TMPRSS15: variants seen among roughly 807,000 people sequenced by gnomAD.
The protein encoded by TMPRSS15 is transmembrane serine protease 15, also known as enteropeptidase.
In TMPRSS15, 128 loss-of-function variants were observed where a neutral mutation model predicts 125.3. The ratio of observed to expected loss-of-function variants is 1.02; its 90% CI spans 0.89 to 1.18. The LOEUF is 1.18. Ranked by LOEUF, TMPRSS15 falls within the 50% of genes most tolerant of loss-of-function variation. TMPRSS15 has a pLI of 0.00. For synonymous variants in TMPRSS15, 446 were observed against 423.2 expected (o/e 1.05, Z -0.66); for missense variants, 1,283 against 1,212.7 (o/e 1.06, Z -0.86).
At chr21:18,277,717 T>C (rs1326678510) in intron 23 of TMPRSS15, among the ~76,000 whole-genome samples, 1 of 152,194 alleles carries the variant, frequency 6.6e-6, no homozygotes, top group Non-Finnish European at 1.5e-5. Context: ...CCCTCTACCT[T>C]TCCACAAGAT....
intron 5 of TMPRSS15, among the ~76,000 whole-genome samples, chr21:18,374,874 C>T (rs994282665): frequency 6.6e-6 from 1 of 152,070 alleles, no homozygotes; most frequent in African/African-American, 2.4e-5. Context: ...TCAGTGACTA[C>T]GTTTGCTTCT....
chr21:18,277,288 A>G (rs2074633952), intron 23 of TMPRSS15, among the ~76,000 whole-genome samples: 1 of 152,142 alleles, frequency 6.6e-6, no homozygotes, highest in Non-Finnish European at 1.5e-5. Flanking sequence ...AAGTAAACGT[A>G]AGTCACATTT....
Position 18,278,458 on chromosome 21 carries a change from G to A in TMPRSS15, c.2764+506C>T, listed in dbSNP as rs553410333. Among the ~76,000 whole-genome samples, 13 of 152,144 alleles carry A rather than the reference G, an allele frequency of 8.5e-5. No individual in the cohort carries two copies. The South Asian group carries it at 2.1e-3, about 24-fold the overall frequency. On this transcript the variant is annotated intron_variant, in intron 23 of 24. Transcript: ENST00000284885. ...ATATAGGCTGGGCGCGGTGGCTCACGACTATAATCCCAGCACTTTGGGAGG... is the reference window on the plus strand; with the variant it reads ...ATATAGGCTGGGCGCGGTGGCTCACAACTATAATCCCAGCACTTTGGGAGG...
At chr21:18,458,834 A>T (rs762312790) in intron 1 of TMPRSS15, among the ~76,000 whole-genome samples, 7 of 152,212 alleles carry the variant, frequency 4.6e-5, no homozygotes, top group Non-Finnish European at 7.3e-5. Flanking sequence ...AAATACCATG[A>T]GCAACTATTT....
chr21:18,383,108 T>C (rs999038511), intron 4 of TMPRSS15, among the ~76,000 whole-genome samples: 1 of 152,018 alleles, frequency 6.6e-6, no homozygotes, highest in African/African-American at 2.4e-5. Context: ...CTAGAGAGAG[T>C]TCCTGAAGTC....
At chr21:18,391,255 C>A (rs2123093022) in intron 3 of TMPRSS15, among the ~76,000 whole-genome samples, 1 of 152,310 alleles carries the variant, frequency 6.6e-6, no homozygotes, top group Middle Eastern at 3.4e-3. Context: ...ATTCAAAAGT[C>A]CAAAGTCCAA....
chr21:18,330,761 T>C (rs544483674), intron 14 of TMPRSS15, among the ~76,000 whole-genome samples: 4 of 152,188 alleles, frequency 2.6e-5, no homozygotes, highest in Non-Finnish European at 5.9e-5. Flanking sequence ...ATTATCACTT[T>C]GTTCAAATGA....
intron 16 of TMPRSS15, 79 bp from the exon 17 acceptor site, chr21:18,315,335 C>G: frequency 8.2e-7 from 1 of 1,224,110 alleles, no homozygotes; most frequent in Non-Finnish European, 1.2e-6. Flanking sequence ...CCATTTGCTC[C>G]CCTTTAAACA....
intron 24 of TMPRSS15, among the ~76,000 whole-genome samples, chr21:18,274,712 G>C (rs2074599204): frequency 1.3e-5 from 2 of 152,138 alleles, no homozygotes; most frequent in Non-Finnish European, 2.9e-5. Context: ...GGCTATGCAG[G>C]TTTTCATCAA....
intron 1 of TMPRSS15, among the ~76,000 whole-genome samples, chr21:18,419,808 A>G (rs750925939): frequency 6.6e-6 from 1 of 152,202 alleles, no homozygotes; most frequent in Non-Finnish European, 1.5e-5. Context: ...GGATAAAGAA[A>G]TGGGAATACA....
intron 21 of TMPRSS15, among the ~76,000 whole-genome samples, chr21:18,289,273 G>GACAA (rs1200083562): frequency 6.6e-6 from 1 of 152,212 alleles, no homozygotes; most frequent in African/African-American, 2.4e-5. Flanking sequence ...AGCACTTTGA[G>GACAA]AGGCTGAGGT....
Position 18,472,779 on chromosome 21 carries a change from A to G in TMPRSS15, c.10+13020T>C, listed in dbSNP as rs550189496. On this transcript the variant is annotated intron_variant, in intron 1 of 7. Transcript: ENST00000422787. ...AGAAACTGAGTAGCTACTAAAATCA[A>G]TGAATGGACATATTTGAAGTTAGGG... 2.0e-5 allele frequency among the ~76,000 whole-genome samples: 3 copies of G among 152,182 alleles called. No individual in the cohort carries two copies. In the South Asian group the frequency reaches 6.2e-4, roughly 32 times the overall value.
chr21:18,348,094 A>T (rs143806183), intron 10 of TMPRSS15, among the ~76,000 whole-genome samples: 1 of 152,196 alleles, frequency 6.6e-6, no homozygotes, highest in East Asian at 1.9e-4. Context: ...CTGAGGTGGG[A>T]GTATCTCTTG....
intron 1 of TMPRSS15, among the ~76,000 whole-genome samples, chr21:18,474,377 G>A (rs911814214): frequency 2.0e-5 from 3 of 151,126 alleles, no homozygotes; most frequent in Admixed American, 6.6e-5. Flanking sequence ...TGCAACCTTC[G>A]CCTCTTGGGT....
intron 14 of TMPRSS15, among the ~76,000 whole-genome samples, chr21:18,331,467 A>G (rs142682807): frequency 6.6e-6 from 1 of 152,302 alleles, no homozygotes; most frequent in African/African-American, 2.4e-5. Flanking sequence ...GAGTTTATCT[A>G]TTTAGGAACA....
intron 1 of TMPRSS15, among the ~76,000 whole-genome samples, chr21:18,416,109 G>A (rs2076179519): frequency 1.3e-5 from 2 of 151,828 alleles, no homozygotes; most frequent in South Asian, 2.1e-4. Flanking sequence ...CTTATACAAT[G>A]AAAACTGCAA....
chr21:18,378,724 A>G (rs1385042086), intron 5 of TMPRSS15, among the ~76,000 whole-genome samples: 1 of 152,092 alleles, frequency 6.6e-6, no homozygotes, highest in Non-Finnish European at 1.5e-5. Context: ...CAGAGAAGGT[A>G]TTTTAGCTGA....
chr21:18,336,332 C>T (rs933268623), intron 13 of TMPRSS15, among the ~76,000 whole-genome samples: 7 of 151,972 alleles, frequency 4.6e-5, no homozygotes, highest in African/African-American at 1.2e-4. Context: ...TCCTATTGAT[C>T]GATGTTTGAA....
chr21:18,379,599 A>C (rs888517898), intron 4 of TMPRSS15, among the ~76,000 whole-genome samples: 1 of 152,118 alleles, frequency 6.6e-6, no homozygotes, highest in Admixed American at 6.6e-5. Flanking sequence ...TCAATAACTA[A>C]ATGCGAGGAT....
Sources: gnomAD v4.1 joint callset for allele counts (sites outside exome capture counted in the v4.1 genomes callset) on GRCh38, gnomAD v4.1.1 for gene constraint, MANE v1.5 for transcripts, NCBI Gene and HGNC (gene_info 2026-07-23, HGNC 2026-07-21) for gene names.